Variants in EBF3 observed in about 807,000 individuals in gnomAD.
The protein encoded by EBF3 is EBF transcription factor 3, also known as transcription factor COE3.
In EBF3, 18 loss-of-function variants were observed where a neutral mutation model predicts 77.1. That is an observed-to-expected ratio of 0.23 (90% CI 0.16 to 0.35). The LOEUF (loss-of-function observed/expected upper bound fraction) is 0.35. EBF3 is among the 10% of genes least tolerant of loss of function. EBF3 has a pLI of 1.00. For synonymous variants in EBF3, 350 were observed against 343.5 expected, an observed-to-expected ratio of 1.02 and a Z score of -0.21; for missense variants, 558 against 860.0, an observed-to-expected ratio of 0.65 and a Z score of 4.39.
intron 6 of EBF3, among the ~76,000 whole-genome samples, chr10:129,930,295 C>A (rs1338393058): frequency 6.6e-6 from 1 of 152,296 alleles, no homozygotes; most frequent in Non-Finnish European, 1.5e-5. Flanking sequence ...TCCTGTGAGC[C>A]AATTCCCTTA....
intron 6 of EBF3, among the ~76,000 whole-genome samples, chr10:129,917,681 T>TAAAAAAAAAAAAAA (rs1239226466): frequency 1.1e-3 from 65 of 60,398 alleles, no homozygotes; most frequent in Middle Eastern, 0.011. Flanking sequence ...AAAAAAAAAC[T>TAAAAAAAAAAAAAA]AAAACCAAGC....
chr10:129,867,632 C>T (rs1354785669), intron 9 of EBF3, 150 bp downstream of exon 9: 20 of 1,370,308 alleles, frequency 1.5e-5, no homozygotes, highest in Non-Finnish European at 1.9e-5. Context: ...TAGCCACCCA[C>T]GGGAGAAGCT....
rs903748977 is a variant in EBF3, at chr10:129,943,620, C to A, written c.554+13638G>T. Among the ~76,000 whole-genome samples, 3 of 152,190 alleles carry A rather than the reference C, an allele frequency of 2.0e-5. No homozygotes were observed. The highest frequency in any genetic ancestry group is 7.2e-5 in the African/African-American group (3 of 41,450). ...GCTTGGGAACAAGACAGGTCCCCGG[C>A]GTGCACATCCAAAGTTTGAGTGTGT... is the stretch of plus-strand genomic sequence containing the variant. On this transcript the variant is annotated intron_variant, in intron 6 of 16. Transcript: ENST00000440978. This position sits in a 1 kb window ranked among gnomAD's most constrained non-coding sequence, Gnocchi z 8.8.
At chr10:129,927,344 A>G in intron 6 of EBF3, among the ~76,000 whole-genome samples, 1 of 152,234 alleles carries the variant, frequency 6.6e-6, no homozygotes, top group East Asian at 1.9e-4. Context: ...AAATACATAA[A>G]AAGTTAATTT....
At chr10:129,951,412 C>T (rs761311870) in intron 6 of EBF3, among the ~76,000 whole-genome samples, 2 of 152,254 alleles carry the variant, frequency 1.3e-5, no homozygotes, top group African/African-American at 4.8e-5. Flanking sequence ...GACAGCCCTG[C>T]TTCCAGCCCT....
At position 129,963,063 on chromosome 10, in the gene EBF3, C is replaced by G. The variant is rs1036690483; in HGVS notation, c.292-58G>C. ...CGATCGGTGTCAGGCGCGGCCACCACGCTCGGTCCCCCTCCGCGACCGAGG... is the reference window on the plus strand; with the variant it reads ...CGATCGGTGTCAGGCGCGGCCACCAGGCTCGGTCCCCCTCCGCGACCGAGG... On this transcript the variant is annotated intron_variant, in intron 2 of 16. Coordinates refer to ENST00000440978, the MANE Select transcript of EBF3 (RefSeq NM_001375380.1). The surrounding 1 kb of genome is among the most constrained non-coding windows in gnomAD (Gnocchi z 7.1). The G allele has an allele frequency of 1.2e-6, 2 of 1,601,912 alleles. No homozygotes were observed. Among genetic ancestry groups the G allele is most frequent in the Non-Finnish European group, 8.6e-7 (1 of 1,169,230 alleles).
chr10:129,941,264 G>T (rs531909183), intron 6 of EBF3, among the ~76,000 whole-genome samples: 11 of 152,372 alleles, frequency 7.2e-5, no homozygotes, highest in South Asian at 6.2e-4. Context: ...TCAGCTTACA[G>T]GGCAGCAAGG....
In EBF3 at chr10:129,861,657, G is replaced by A. The variant is rs905254616; in HGVS notation, c.1039+5484C>T. 6.6e-6 allele frequency among the ~76,000 whole-genome samples: 1 copy of A among 152,168 alleles called. No individual in the cohort carries two copies. The highest frequency in any genetic ancestry group is 1.5e-5 in the Non-Finnish European group (1 of 68,032). Reference sequence around the variant, plus strand: ...GCTGCAGGAGGGCCCACTGCAGACAGGAACGAACAGTCAGCCACGGGGGGC... The same window carrying A: ...GCTGCAGGAGGGCCCACTGCAGACAAGAACGAACAGTCAGCCACGGGGGGC... On this transcript the variant is annotated intron_variant, in intron 10 of 16. Transcript: ENST00000440978. This position sits in a 1 kb window ranked among gnomAD's most constrained non-coding sequence, Gnocchi z 4.3.
In EBF3 at chr10:129,867,167, C is replaced by T; in HGVS notation, c.1013G>A (p.Gly338Asp). ...LSYKSKQFCK[G>D]APGRFVYTAL... The stretch of plus-strand genomic sequence containing the variant: ...GGTGTAGACAAAGCGCCCAGGAGCA[C>T]CTTTGCAGAACTGCTTGGATTTGTA... Residue 338 changes from glycine to aspartate, a missense_variant, in exon 10 of 17, where the codon GGT (glycine) becomes GAT (aspartate). Physicochemically the swap from Gly to Asp is moderately conservative, Grantham distance 94 (BLOSUM62 -1). Transcript: ENST00000440978. 6.2e-7 allele frequency: 1 copy of T among 1,614,020 alleles called. No homozygotes were observed.
chr10:129,840,049 T>C (rs1300016447), intron 15 of EBF3, among the ~76,000 whole-genome samples, 196 bp downstream of exon 15: 4 of 152,262 alleles, frequency 2.6e-5, no homozygotes, highest in African/African-American at 7.2e-5. Flanking sequence ...AGGAGGAATC[T>C]GGTCCTTTCT....
intron 6 of EBF3, among the ~76,000 whole-genome samples, chr10:129,918,213 T>C (rs554444342): frequency 6.6e-6 from 1 of 152,324 alleles, no homozygotes; most frequent in African/African-American, 2.4e-5. Context: ...AGCTCAGGCA[T>C]AGGTTCTTTG....
chr10:129,893,017 G>T (rs544528097), intron 6 of EBF3, among the ~76,000 whole-genome samples: 1 of 152,220 alleles, frequency 6.6e-6, no homozygotes. Flanking sequence ...TGAATCAATC[G>T]TGAGAGCAGG....
rs7916096 is a variant in EBF3, at chr10:129,880,928, G to A, written c.555-3079C>T. On this transcript the variant is annotated intron_variant, in intron 6 of 16. Transcript: ENST00000440978. ...ACGGAGCAAATGTATGCTTTCACGA[G>A]GAGGTGCTCAGTGAGCCACACGATT... Among the ~76,000 whole-genome samples the A allele has an allele frequency of 4.4e-3, 667 of 152,366 alleles. 5 individuals are homozygous for A. Among genetic ancestry groups the A allele is most frequent in the African/African-American group, 0.016 (650 of 41,582 alleles).
At chr10:129,859,485 A>T (rs1281484951) in intron 10 of EBF3, among the ~76,000 whole-genome samples, 1 of 152,218 alleles carries the variant, frequency 6.6e-6, no homozygotes, top group Non-Finnish European at 1.5e-5. Context: ...TCAGCCTCCC[A>T]AAGTGCTGGG....
At chr10:129,956,731 T>G (rs1324579107) in intron 6 of EBF3, among the ~76,000 whole-genome samples, 2 of 152,206 alleles carry the variant, frequency 1.3e-5, no homozygotes, top group Non-Finnish European at 2.9e-5. Flanking sequence ...CAAGTTTGGT[T>G]TGTTAGTTAC....
intron 10 of EBF3, among the ~76,000 whole-genome samples, chr10:129,850,111 A>C (rs115700373): frequency 0.018 from 2,811 of 152,364 alleles, 70 homozygotes; most frequent in African/African-American, 0.064. Context: ...CCTTTCCTGA[A>C]CAGGGAACAA....
chr10:129,843,863 C>T (rs1391356656), intron 11 of EBF3, among the ~76,000 whole-genome samples: 6 of 152,242 alleles, frequency 3.9e-5, no homozygotes, highest in Non-Finnish European at 7.3e-5. Context: ...CGAGAGTGTG[C>T]GCGCTGTGCC....
At position 129,842,750 on chromosome 10, in the gene EBF3, C is replaced by T. The variant is rs1266873309; in HGVS notation, c.1194+387G>A. Reference sequence around the variant, plus strand: ...CTGCACTCCAGCCTGGGTGACAGAGCAAGACCCTGTCTAAAAAAAAAAAAA... The same window carrying T: ...CTGCACTCCAGCCTGGGTGACAGAGTAAGACCCTGTCTAAAAAAAAAAAAA... On this transcript the variant is annotated intron_variant, in intron 12 of 16. Coordinates refer to ENST00000440978, the MANE Select transcript of EBF3 (RefSeq NM_001375380.1). This position sits in a 1 kb window ranked among gnomAD's most constrained non-coding sequence, Gnocchi z 4.4. Among the ~76,000 whole-genome samples, 1 of 123,096 alleles carries T rather than the reference C, an allele frequency of 8.1e-6. No homozygotes were observed. Among genetic ancestry groups the T allele is most frequent in the Non-Finnish European group, 1.6e-5 (1 of 62,072 alleles). 80.8% of individuals were successfully genotyped at this position (123,096 alleles called of 152,430 possible). A position where few individuals can be genotyped will look rare whatever the true frequency, so the allele number is the denominator to read the frequency against.
intron 6 of EBF3, among the ~76,000 whole-genome samples, chr10:129,890,575 T>A (rs529114140): frequency 3.9e-5 from 6 of 152,252 alleles, no homozygotes; most frequent in Non-Finnish European, 7.3e-5. Flanking sequence ...AATATTTTTA[T>A]CATTTGGAAT....
Sources: gnomAD v4.1 joint callset for allele counts (sites outside exome capture counted in the v4.1 genomes callset) on GRCh38, gnomAD v4.1.1 for gene constraint, Gnocchi (gnomAD v3.1) non-coding constraint, MANE v1.5 for transcripts, NCBI Gene and HGNC (gene_info 2026-07-23, HGNC 2026-07-21) for gene names.